The following TBCD variants were observed in gnomAD, a reference collection of about 807,000 sequenced individuals.
The protein encoded by TBCD is tubulin-specific chaperone D.
A neutral mutation model predicts 169.3 loss-of-function variants in TBCD; 105 were observed. The observed-to-expected ratio is 0.62, with a 90% CI of 0.53 to 0.73. The LOEUF (loss-of-function observed/expected upper bound fraction) is 0.73. Among genes scored for constraint, TBCD ranks in the 30% least tolerant of loss-of-function variants. TBCD has a pLI of 0.00. For synonymous variants in TBCD, 700 were observed against 643.9 expected, an observed-to-expected ratio of 1.09 and a Z score of -1.32; for missense variants, 1,444 against 1,600.1, an observed-to-expected ratio of 0.90 and a Z score of 1.66.
At chr17:82,788,631 A>G (rs2049479371) in intron 7 of TBCD, among the ~76,000 whole-genome samples, 1 of 152,218 alleles carries the variant, frequency 6.6e-6, no homozygotes, top group Non-Finnish European at 1.5e-5. Context: ...CCTCACTCCC[A>G]GCTCCCGCTC....
chr17:82,934,014 C>T (rs1304173688), intron 34 of TBCD, among the ~76,000 whole-genome samples: 3 of 152,234 alleles, frequency 2.0e-5, no homozygotes, highest in South Asian at 2.1e-4. Flanking sequence ...CCCTTCCCAC[C>T]GCTGCTGGGG....
intron 13 of TBCD, among the ~76,000 whole-genome samples, chr17:82,852,157 A>C (rs1330150491): frequency 1.9e-4 from 22 of 115,630 alleles, no homozygotes; most frequent in East Asian, 3.1e-4. Context: ...AGATGGATAA[A>C]CCCCCCCTCC....
intron 23 of TBCD, among the ~76,000 whole-genome samples, chr17:82,919,264 G>T (rs570708757): frequency 5.1e-4 from 77 of 152,166 alleles, no homozygotes; most frequent in African/African-American, 1.7e-3. Flanking sequence ...GTTTTCTGGG[G>T]TTTTTTGTTT....
At chr17:82,872,147 G>A (rs2057615479) in intron 14 of TBCD, among the ~76,000 whole-genome samples, 1 of 152,236 alleles carries the variant, frequency 6.6e-6, no homozygotes, top group South Asian at 2.1e-4. Flanking sequence ...AGCCTGAGAG[G>A]AGCCGAGGGT....
intron 22 of TBCD, among the ~76,000 whole-genome samples, chr17:82,910,720 C>T (rs777900644): frequency 1.3e-5 from 2 of 152,148 alleles, no homozygotes; most frequent in Non-Finnish European, 2.9e-5. Context: ...TGCCCCCCAT[C>T]ATGCCCACCT....
At position 82,815,985 on chromosome 17, in the gene TBCD, G is replaced by A. The variant is rs187281013; in HGVS notation, c.1318+1051G>A. ...GGTTTTTATATATTTACAGAGTTGC[G>A]CAACTATTGCCATAATTTAATTTCC... is the stretch of plus-strand genomic sequence containing the variant. On this transcript the variant is annotated intron_variant, in intron 13 of 38. Transcript: ENST00000355528. 1.4e-4 allele frequency among the ~76,000 whole-genome samples: 21 copies of A among 152,102 alleles called. No homozygotes were observed. In the East Asian group the frequency reaches 1.9e-3, roughly 14 times the overall value.
At chr17:82,809,648 C>T (rs553985386) in intron 11 of TBCD, 60 bp from the exon 12 acceptor site, 170 of 1,553,892 alleles carry the variant, frequency 1.1e-4, no homozygotes, top group African/African-American at 2.0e-4. Context: ...ACACGTGTCA[C>T]GCATGCCCTT....
chr17:82,764,612 T>TC (rs1488048164), intron 3 of TBCD, among the ~76,000 whole-genome samples: 1 of 152,224 alleles, frequency 6.6e-6, no homozygotes, highest in African/African-American at 2.4e-5. Context: ...GCTGTTGCAC[T>TC]CCAGCCTGAG....
chr17:82,938,654 G>A (rs1369996633), intron 36 of TBCD, among the ~76,000 whole-genome samples: 5 of 152,260 alleles, frequency 3.3e-5, no homozygotes, highest in Non-Finnish European at 7.3e-5. Context: ...CTTGGGCCCT[G>A]TGCTGCCGAC....
chr17:82,838,728 G>GGAAAAGACA, intron 13 of TBCD: 7 of 985,374 alleles, frequency 7.1e-6, no homozygotes, highest in Non-Finnish European at 8.4e-6. Flanking sequence ...CAAGACCTGG[G>GGAAAAGACA]GAAAAGACAG....
At chr17:82,881,248 A>G (rs773302149) in intron 14 of TBCD, among the ~76,000 whole-genome samples, 2 of 152,224 alleles carry the variant, frequency 1.3e-5, no homozygotes, top group Non-Finnish European at 2.9e-5. Context: ...CGCTGAGACC[A>G]CAGATTGTCC....
At position 82,880,404 on chromosome 17, in the gene TBCD, C is replaced by T. The variant is rs1012640904; in HGVS notation, c.1476-3741C>T. ...GTCAACTGATTGCCAACCTTAATTC[C>T]CCTTTGTCAGGTAAAGGAACATGTT... is the stretch of plus-strand genomic sequence containing the variant. On this transcript the variant is annotated intron_variant, in intron 14 of 38. Coordinates refer to ENST00000355528, the MANE Select transcript of TBCD (RefSeq NM_005993.5). This position sits in a 1 kb window ranked among gnomAD's most constrained non-coding sequence, Gnocchi z 5.0. 6.6e-6 allele frequency among the ~76,000 whole-genome samples: 1 copy of T among 152,194 alleles called. No individual in the cohort carries two copies. Among genetic ancestry groups the T allele is most frequent in the African/African-American group, 2.4e-5 (1 of 41,448 alleles).
At chr17:82,753,189 G>A (rs1439815537) in intron 1 of TBCD, among the ~76,000 whole-genome samples, 1 of 152,172 alleles carries the variant, frequency 6.6e-6, no homozygotes, top group East Asian at 1.9e-4. Context: ...ATTTTAGAAT[G>A]ACAGCGCTTT....
intron 17 of TBCD, among the ~76,000 whole-genome samples, chr17:82,895,001 T>C (rs2059384335): frequency 6.6e-6 from 1 of 152,214 alleles, no homozygotes; most frequent in Non-Finnish European, 1.5e-5. Context: ...CTACCACCTT[T>C]TCCCGAGTTT....
intron 17 of TBCD, 180 bp from the exon 18 acceptor site, chr17:82,900,471 G>T (rs753152491): frequency 3.4e-6 from 2 of 588,596 alleles, no homozygotes; most frequent in Non-Finnish European, 6.1e-6. Context: ...TGTAAAGCCC[G>T]TGTGTGCACA....
intron 13 of TBCD, among the ~76,000 whole-genome samples, chr17:82,840,901 C>A (rs1375458728): frequency 5.7e-5 from 8 of 140,862 alleles, no homozygotes; most frequent in Non-Finnish European, 1.2e-4. Flanking sequence ...GGCTGCAGGG[C>A]AGAGGCTGCA....
chr17:82,817,332 C>T (rs1286971887), intron 13 of TBCD, among the ~76,000 whole-genome samples: 1 of 152,032 alleles, frequency 6.6e-6, no homozygotes. Flanking sequence ...ATCTCATTCC[C>T]ATCGCCCAGG....
chr17:82,938,025 G>A, intron 35 of TBCD, 24 bp from the exon 36 acceptor site: 4 of 1,612,120 alleles, frequency 2.5e-6, no homozygotes, highest in Non-Finnish European at 3.4e-6. Flanking sequence ...GGGCTCACCT[G>A]GAGCCATGTG....
In TBCD at chr17:82,926,546, GA is replaced by G. The variant is rs1338233061; in HGVS notation, c.2471+57del. 3.4e-6 allele frequency: 5 copies of G among 1,456,742 alleles called. No individual in the cohort carries two copies. In the African/African-American group the frequency reaches 7.0e-5, roughly 20 times the overall value. 90.2% of individuals were successfully genotyped at this position (1,456,742 alleles called of 1,614,324 possible). On this transcript the variant is annotated intron_variant, in intron 28 of 38. Transcript: ENST00000355528. ...GTAAGTCTCTGAAAGGCCAGCAGAT[GA>G]ACGCTAAGGGGGATGTTTTTGCTCA...
Sources: allele counts gnomAD v4.1 joint callset (sites outside exome capture counted in the v4.1 genomes callset), GRCh38; gene constraint gnomAD v4.1.1; non-coding constraint Gnocchi (gnomAD v3.1); transcripts MANE v1.5; gene names NCBI Gene and HGNC (gene_info 2026-07-23, HGNC 2026-07-21).